Variants in TBX19 observed in about 807,000 individuals in gnomAD.
TBX19 encodes T-box transcription factor TBX19.
A neutral mutation model predicts 40.9 loss-of-function variants in TBX19; 33 were observed. The observed-to-expected ratio is 0.81, with a 90% CI of 0.61 to 1.08. TBX19 has a LOEUF of 1.08. Ranked by LOEUF, TBX19 falls within the 50% of genes least tolerant of loss-of-function variation. TBX19 has a pLI of 0.00. For missense variants in TBX19, 494 were observed against 574.0 expected (o/e 0.86, Z 1.42); for synonymous variants, 220 against 225.0 (o/e 0.98, Z 0.20).
intron 4 of TBX19, among the ~76,000 whole-genome samples, chr1:168,298,954 A>G (rs1386204562): frequency 7.8e-6 from 1 of 128,022 alleles, no homozygotes; most frequent in South Asian, 2.5e-4. Context: ...TTTTTTTGAG[A>G]CAGAGTCAGG....
At chr1:168,307,331 A>G (rs1346421845) in intron 6 of TBX19, among the ~76,000 whole-genome samples, 1 of 152,124 alleles carries the variant, frequency 6.6e-6, no homozygotes, top group Non-Finnish European at 1.5e-5. Flanking sequence ...GTGCCAGCAT[A>G]TGGTAAGGGT....
intron 1 of TBX19, among the ~76,000 whole-genome samples, chr1:168,286,054 G>GAATGGATT (rs1338722854): frequency 6.6e-6 from 1 of 152,088 alleles, no homozygotes; most frequent in African/African-American, 2.4e-5. Context: ...TTAAAATAGG[G>GAATGGATT]AATGGATTAA....
chr1:168,290,282 G>A (rs898006425), intron 1 of TBX19, among the ~76,000 whole-genome samples: 1 of 152,210 alleles, frequency 6.6e-6, no homozygotes, highest in Non-Finnish European at 1.5e-5. Context: ...TAAACTTGTT[G>A]TTATTATTCT....
At chr1:168,305,225 G>C (rs1226724136) in intron 6 of TBX19, 29 bp downstream of exon 6, 8 of 1,604,614 alleles carry the variant, frequency 5.0e-6, no homozygotes, top group Non-Finnish European at 5.9e-6. Context: ...TAAACCCTTG[G>C]GGTATGGGCT....
chr1:168,307,767 G>GACGTATATA (rs1471283769), intron 6 of TBX19, among the ~76,000 whole-genome samples: 12 of 152,030 alleles, frequency 7.9e-5, no homozygotes, highest in African/African-American at 2.7e-4. Flanking sequence ...TATTCAAGGT[G>GACGTATATA]TACAACATGA....
At position 168,304,162 on chromosome 1, in the gene TBX19, T is replaced by C. The variant is rs113629441; in HGVS notation, c.728-846T>C. On this transcript the variant is annotated intron_variant, in intron 5 of 7. Transcript: ENST00000367821. ...GCGTTGCAATAAAGAAAGAGTTTAA[T>C]AGACATGAATCTGGCCATGCCATTT... is the stretch of plus-strand genomic sequence containing the variant. Among the ~76,000 whole-genome samples the C allele has an allele frequency of 6.2e-3, 941 of 152,360 alleles. 9 individuals carry two copies. The highest frequency in any genetic ancestry group is 0.021 in the African/African-American group (875 of 41,576).
chr1:168,306,590 C>A (rs1649409264), intron 6 of TBX19, among the ~76,000 whole-genome samples: 1 of 134,924 alleles, frequency 7.4e-6, no homozygotes, highest in Admixed American at 8.5e-5. Flanking sequence ...TGTGCCACTG[C>A]ACTCTAGCCT....
intron 5 of TBX19, among the ~76,000 whole-genome samples, chr1:168,302,601 T>C (rs1050031135): frequency 3.9e-5 from 6 of 152,052 alleles, no homozygotes; most frequent in Non-Finnish European, 7.4e-5. Flanking sequence ...TACAAAACAT[T>C]TTGCAGTCGT....
intron 3 of TBX19, among the ~76,000 whole-genome samples, chr1:168,293,811 C>T (rs1227702400): frequency 6.6e-6 from 1 of 152,162 alleles, no homozygotes; most frequent in African/African-American, 2.4e-5. Context: ...TGGTTAGCGC[C>T]TGGCCTGTCT....
intron 5 of TBX19, 93 bp downstream of exon 5, chr1:168,300,576 T>G: frequency 8.4e-7 from 1 of 1,190,756 alleles, no homozygotes; most frequent in Non-Finnish European, 1.2e-6. Flanking sequence ...CAGGACTGCT[T>G]AAGGACTTCC....
intron 1 of TBX19, among the ~76,000 whole-genome samples, chr1:168,281,781 C>T (rs1648658480): frequency 6.6e-6 from 1 of 152,208 alleles, no homozygotes; most frequent in African/African-American, 2.4e-5. Context: ...TTGCCTATCA[C>T]TTCATCTGCT....
chr1:168,298,931 CTTCT>C (rs1172093593), intron 4 of TBX19, among the ~76,000 whole-genome samples: 2 of 128,820 alleles, frequency 1.6e-5, no homozygotes, highest in African/African-American at 2.9e-5. Context: ...TTCTTCCTTC[CTTCT>C]TTCTTTTTTT....
intron 7 of TBX19, among the ~76,000 whole-genome samples, chr1:168,311,644 C>T (rs908741097): frequency 6.6e-6 from 1 of 152,142 alleles, no homozygotes; most frequent in African/African-American, 2.4e-5. Context: ...AGAAACAAAA[C>T]AAAACAAATG....
At chr1:168,291,473 A>C in intron 2 of TBX19, 49 bp downstream of exon 2, 1 of 1,613,386 alleles carries the variant, frequency 6.2e-7, no homozygotes, top group Non-Finnish European at 8.5e-7. Flanking sequence ...CCTCCCCACA[A>C]CACCAATCAA....
At chr1:168,299,134 G>T (rs1649214605) in intron 4 of TBX19, among the ~76,000 whole-genome samples, 2 of 151,456 alleles carry the variant, frequency 1.3e-5, no homozygotes, top group African/African-American at 4.9e-5. Flanking sequence ...TGGCCAGGCT[G>T]GTCTTGAACT....
intron 7 of TBX19, among the ~76,000 whole-genome samples, chr1:168,310,022 CG>C (rs1478192236): frequency 6.6e-6 from 1 of 152,052 alleles, no homozygotes; most frequent in Non-Finnish European, 1.5e-5. Flanking sequence ...TGAGGCTTGG[CG>C]GGGTGCGGTG....
At chr1:168,310,614 G>T (rs1054823388) in intron 7 of TBX19, among the ~76,000 whole-genome samples, 1 of 150,444 alleles carries the variant, frequency 6.6e-6, no homozygotes, top group Non-Finnish European at 1.5e-5. Context: ...ACTCACATAG[G>T]ATTTTGAAGA....
intron 5 of TBX19, among the ~76,000 whole-genome samples, chr1:168,301,152 A>G (rs918134292): frequency 1.1e-4 from 17 of 152,232 alleles, no homozygotes; most frequent in African/African-American, 3.6e-4. Context: ...AAGATCCCTT[A>G]TGCAGTTTGC....
chr1:168,293,359 C>G lies in TBX19; in HGVS notation c.603+81C>G, dbSNP rs1351867402. 81 of 1,414,700 alleles carry G rather than the reference C, an allele frequency of 5.7e-5. 2 individuals carry two copies. The South Asian group carries it at 8.9e-4, about 15-fold the overall frequency. 87.6% of individuals were successfully genotyped at this position (1,414,700 alleles called of 1,614,324 possible). On this transcript the variant is annotated intron_variant, in intron 3 of 7. Transcript: ENST00000367821. ...ACCTGGGAGATCATGGCAGGATGGG[C>G]GGGGGGGGTCCTTTTAGATGAAAGG...
Sources: gnomAD v4.1 joint callset for allele counts (sites outside exome capture counted in the v4.1 genomes callset) on GRCh38, gnomAD v4.1.1 for gene constraint, MANE v1.5 for transcripts, NCBI Gene and HGNC (gene_info 2026-07-23, HGNC 2026-07-21) for gene names.